POU2F3: variants seen among roughly 807,000 people sequenced by gnomAD.
POU2F3 encodes POU domain, class 2, transcription factor 3.
Under a neutral mutation model 59.2 loss-of-function variants are expected in POU2F3, and 23 were observed. That is an observed-to-expected ratio of 0.39 (90% CI 0.28 to 0.55). The LOEUF (loss-of-function observed/expected upper bound fraction) is 0.55, where lower values mean the gene tolerates loss of function less well. Ranked by LOEUF, POU2F3 falls within the 20% of genes least tolerant of loss-of-function variation. POU2F3 has a pLI of 0.66. For missense variants in POU2F3, 473 were observed against 544.5 expected, an observed-to-expected ratio of 0.87 and a Z score of 1.31; for synonymous variants, 190 against 214.6, an observed-to-expected ratio of 0.89 and a Z score of 1.00.
At chr11:120,289,652 GCCGCTTCTTCCACTT>G (rs1050723540) in intron 3 of POU2F3, among the ~76,000 whole-genome samples, 86 of 152,318 alleles carry the variant, frequency 5.6e-4, no homozygotes, top group African/African-American at 1.7e-3. Flanking sequence ...TTTGGACAGA[GCCGCTTCTTCCACTT>G]CCGCTTCTTC....
At chr11:120,284,534 C>T (rs1472016308) in intron 3 of POU2F3, among the ~76,000 whole-genome samples, 1 of 152,140 alleles carries the variant, frequency 6.6e-6, no homozygotes, top group Non-Finnish European at 1.5e-5. Context: ...AGGGCCTAGC[C>T]TCTAGGGACC....
chr11:120,310,689 G>A (rs1428250743), intron 10 of POU2F3, among the ~76,000 whole-genome samples: 1 of 152,194 alleles, frequency 6.6e-6, no homozygotes, highest in Non-Finnish European at 1.5e-5. Flanking sequence ...TTTCAGCACT[G>A]TAAGATGGGT....
At chr11:120,262,719 C>T (rs1320635917) in intron 2 of POU2F3, among the ~76,000 whole-genome samples, 1 of 152,200 alleles carries the variant, frequency 6.6e-6, no homozygotes, top group African/African-American at 2.4e-5. Context: ...TTGCTGAAAG[C>T]AGTCTTCATG....
At chr11:120,250,571 T>C (rs1342564439) in intron 2 of POU2F3, among the ~76,000 whole-genome samples, 2 of 152,230 alleles carry the variant, frequency 1.3e-5, no homozygotes, top group Non-Finnish European at 2.9e-5. Flanking sequence ...CAAGCTCCCA[T>C]ACCTAGAGAA....
At chr11:120,302,194 G>A (rs1941366660) in intron 5 of POU2F3, 92 bp from the exon 6 acceptor site, 2 of 1,092,742 alleles carry the variant, frequency 1.8e-6, no homozygotes, top group Admixed American at 2.0e-5. Flanking sequence ...AGGGGGTGGG[G>A]ACAGTGATCG....
chr11:120,288,789 C>T (rs191768395), intron 3 of POU2F3, among the ~76,000 whole-genome samples: 134 of 151,796 alleles, frequency 8.8e-4, no homozygotes, highest in Middle Eastern at 3.4e-3. Context: ...TATATACATA[C>T]GCACATGTAT....
chr11:120,282,047 CCTT>C, intron 3 of POU2F3, among the ~76,000 whole-genome samples: 1 of 152,276 alleles, frequency 6.6e-6, no homozygotes, highest in Non-Finnish European at 1.5e-5. Context: ...CCAGTTCACC[CCTT>C]CTTCTTAGCT....
chr11:120,254,094 A>G (rs2135149465), intron 2 of POU2F3: 1 of 152,358 alleles, frequency 6.6e-6, no homozygotes, highest in African/African-American at 2.4e-5. Flanking sequence ...CCAAGCTGGG[A>G]GTAAATCCTT....
chr11:120,288,605 C>A (rs895833244), intron 3 of POU2F3, among the ~76,000 whole-genome samples: 9 of 152,182 alleles, frequency 5.9e-5, no homozygotes, highest in Admixed American at 5.9e-4. Context: ...CCTTTTCAAT[C>A]TCATGAAAGT....
chr11:120,287,369 G>GC (rs1415682692), intron 3 of POU2F3, among the ~76,000 whole-genome samples: 1 of 152,206 alleles, frequency 6.6e-6, no homozygotes, highest in Admixed American at 6.5e-5. Context: ...TGGACATTAT[G>GC]CACTGTGCTG....
At chr11:120,282,267 T>C (rs1479223969) in intron 3 of POU2F3, among the ~76,000 whole-genome samples, 1 of 152,232 alleles carries the variant, frequency 6.6e-6, no homozygotes, top group Non-Finnish European at 1.5e-5. Context: ...CAGGCATGCC[T>C]CACTATACCT....
chr11:120,246,551 T>TGGGGGGGGGG, intron 2 of POU2F3, 34 bp downstream of exon 2: 2 of 1,547,764 alleles, frequency 1.3e-6, no homozygotes, highest in Non-Finnish European at 1.8e-6. Context: ...ATGGAGGGGG[T>TGGGGGGGGGG]GGGGGGAAGA....
At chr11:120,318,134 G>T (rs754363982) in intron 12 of POU2F3, among the ~76,000 whole-genome samples, 15 of 152,104 alleles carry the variant, frequency 9.9e-5, no homozygotes, top group Admixed American at 5.9e-4. Context: ...TTGTTTCGAG[G>T]TATAATTCAT....
chr11:120,295,082 C>T (rs1000742175), intron 3 of POU2F3, among the ~76,000 whole-genome samples: 1 of 152,180 alleles, frequency 6.6e-6, no homozygotes, highest in Non-Finnish European at 1.5e-5. Context: ...TTCATTTTTA[C>T]AACTGGGAGG....
At chr11:120,315,237 G>T in intron 10 of POU2F3, 124 bp from the exon 11 acceptor site, 2 of 870,212 alleles carry the variant, frequency 2.3e-6, no homozygotes, top group African/African-American at 1.7e-5. Flanking sequence ...ATGTAGGCTA[G>T]GAAATCACCA....
At chr11:120,236,843 C>T (rs1938516102), upstream of POU2F3, 11 of 830,752 alleles carry the variant, frequency 1.3e-5, no homozygotes, top group Non-Finnish European at 1.9e-5. Flanking sequence ...GAGGGCACCC[C>T]AGCCTTCTAA....
intron 3 of POU2F3, among the ~76,000 whole-genome samples, chr11:120,282,172 T>G (rs1940596812): frequency 6.6e-6 from 1 of 152,216 alleles, no homozygotes; most frequent in African/African-American, 2.4e-5. Flanking sequence ...TGTGCCCTGG[T>G]GCTTCACTCA....
chr11:120,295,314 G>GAC (rs200338925), intron 3 of POU2F3, among the ~76,000 whole-genome samples: 1,638 of 152,310 alleles, frequency 0.011, 22 homozygotes, highest in African/African-American at 0.036. Flanking sequence ...TGAGTCTACA[G>GAC]AGGAACCCTG....
chr11:120,239,640 T>C (rs967983690), upstream of POU2F3, among the ~76,000 whole-genome samples: 3 of 152,202 alleles, frequency 2.0e-5, no homozygotes, highest in Non-Finnish European at 4.4e-5. Context: ...GGTCACCTGC[T>C]CAGCCCAATA....
Sources: gnomAD v4.1 joint callset for allele counts (sites outside exome capture counted in the v4.1 genomes callset) on GRCh38, gnomAD v4.1.1 for gene constraint, MANE v1.5 for transcripts, NCBI Gene and HGNC (gene_info 2026-07-23, HGNC 2026-07-21) for gene names.